The following BCO1 variants were observed in gnomAD, a reference collection of about 807,000 sequenced individuals.
BCO1 encodes beta-carotene oxygenase 1.
BCO1 carries 54 observed loss-of-function variants against 56.3 expected under a neutral mutation model. The ratio of observed to expected loss-of-function variants is 0.96; its 90% CI spans 0.77 to 1.20. BCO1 has a LOEUF of 1.20. Ranked by LOEUF, BCO1 falls within the 50% of genes most tolerant of loss-of-function variation. The pLI is 0.00. For missense variants in BCO1, 801 were observed against 690.9 expected (o/e 1.16, Z -1.79); for synonymous variants, 318 against 266.1 (o/e 1.20, Z -1.90).
chr16:81,280,787 T>C, intron 7 of BCO1, 70 bp from the exon 8 acceptor site: 1 of 1,130,478 alleles, frequency 8.8e-7, no homozygotes, highest in Non-Finnish European at 1.3e-6. Context: ...AAAAAATATA[T>C]ACACTAAAGC....
Position 81,290,545 on chromosome 16 carries a change from G to A in BCO1, c.1612G>A (p.Ala538Thr). 1 of 1,613,986 alleles carries A rather than the reference G, an allele frequency of 6.2e-7. No individual in the cohort carries two copies. Among genetic ancestry groups the A allele is most frequent in the Non-Finnish European group, 8.5e-7 (1 of 1,180,034 alleles). ...QAASEEQRDR[A>T]SDCHGAPLT The stretch of plus-strand genomic sequence containing the variant: ...CGCTTCTGAGGAACAGCGGGACAGG[G>A]CTTCCGACTGCCACGGGGCTCCTCT... The change falls in exon 11 of 11, where the codon GCT becomes ACT. Residue 538 changes from alanine (A) to threonine (T), a missense_variant. Physicochemically the swap from Ala to Thr is moderately conservative, Grantham distance 58. Coordinates refer to ENST00000258168, the MANE Select transcript of BCO1 (RefSeq NM_017429.3).
intron 2 of BCO1, among the ~76,000 whole-genome samples, chr16:81,252,415 C>G (rs983438971): frequency 7.9e-5 from 12 of 152,060 alleles, no homozygotes; most frequent in Non-Finnish European, 1.5e-4. Context: ...GGCACCATGC[C>G]CAGCTAATTT....
intron 4 of BCO1, 41 bp from the exon 5 acceptor site, chr16:81,264,599 T>G: frequency 1.2e-6 from 2 of 1,608,388 alleles, no homozygotes; most frequent in Non-Finnish European, 1.7e-6. Flanking sequence ...AGGTTGATTA[T>G]CGTAAATACT....
intron 6 of BCO1, among the ~76,000 whole-genome samples, chr16:81,269,639 T>C (rs1370421557): frequency 6.6e-6 from 1 of 152,158 alleles, no homozygotes; most frequent in East Asian, 1.9e-4. Context: ...GGCTAATTTT[T>C]TGTATTTTTA....
chr16:81,244,873 C>T (rs1905306268), intron 1 of BCO1, among the ~76,000 whole-genome samples: 1 of 151,972 alleles, frequency 6.6e-6, no homozygotes, highest in African/African-American at 2.4e-5. Flanking sequence ...GCATATGCCA[C>T]CACAATGAGC....
At chr16:81,283,436 A>G (rs1907992576) in intron 8 of BCO1, among the ~76,000 whole-genome samples, 1 of 152,098 alleles carries the variant, frequency 6.6e-6, no homozygotes, top group Admixed American at 6.5e-5. Context: ...TTTAAAAAAA[A>G]AAATACAAAA....
chr16:81,287,423 CCACGCCTAGTTGCTG>C lies in BCO1; in HGVS notation c.1414+22_1414+36del. On this transcript the variant is annotated intron_variant, in intron 10 of 10. Transcript: ENST00000258168. ...AGGATGACGGTAAGACTCTAAGAAG[CCACGCCTAGTTGCTG>C]CACGTTACTGCAGATCGCCCTCCAA... 6.3e-7 allele frequency: 1 copy of C among 1,596,312 alleles called. No individual in the cohort carries two copies. The highest frequency in any genetic ancestry group is 8.6e-7 in the Non-Finnish European group (1 of 1,164,426).
intron 7 of BCO1, among the ~76,000 whole-genome samples, chr16:81,277,302 T>TAA: frequency 6.6e-6 from 1 of 152,046 alleles, no homozygotes; most frequent in Non-Finnish European, 1.5e-5. Context: ...TGAAGTGCTT[T>TAA]GCTAATCTTC....
intron 2 of BCO1, among the ~76,000 whole-genome samples, chr16:81,247,886 A>G (rs916604408): frequency 6.7e-6 from 1 of 150,038 alleles, no homozygotes; most frequent in Non-Finnish European, 1.5e-5. Flanking sequence ...TAAAACCACT[A>G]TCTGTGGCTT....
chr16:81,252,246 TTTTTG>T (rs925357935), intron 2 of BCO1, among the ~76,000 whole-genome samples: 15 of 151,782 alleles, frequency 9.9e-5, no homozygotes, highest in East Asian at 5.8e-4. Flanking sequence ...TGGGTGTGTG[TTTTTG>T]TTTTGTTTTG....
intron 2 of BCO1, among the ~76,000 whole-genome samples, chr16:81,257,366 G>T (rs1366538721): frequency 6.6e-6 from 1 of 151,962 alleles, no homozygotes; most frequent in Non-Finnish European, 1.5e-5. Context: ...TTGGGTTCAG[G>T]CAATTCTGTC....
chr16:81,254,872 C>T (rs1906031377), intron 2 of BCO1, among the ~76,000 whole-genome samples: 1 of 152,210 alleles, frequency 6.6e-6, no homozygotes, highest in South Asian at 2.1e-4. Flanking sequence ...TCTTGGCTCA[C>T]TGTAGCCTTG....
intron 7 of BCO1, among the ~76,000 whole-genome samples, chr16:81,273,200 C>T (rs547528526): frequency 2.2e-4 from 33 of 152,268 alleles, no homozygotes. Flanking sequence ...CCAGGCTGGT[C>T]TTGAACTCCT....
At chr16:81,255,947 G>C (rs1426095365) in intron 2 of BCO1, among the ~76,000 whole-genome samples, 1 of 151,682 alleles carries the variant, frequency 6.6e-6, no homozygotes, top group East Asian at 1.9e-4. Context: ...CTCCCGAGTA[G>C]CTGGGACCAC....
chr16:81,272,152 G>C (rs373423429), intron 7 of BCO1, among the ~76,000 whole-genome samples: 186 of 129,208 alleles, frequency 1.4e-3, no homozygotes, highest in African/African-American at 5.3e-3. Flanking sequence ...CTCGCTCTGT[G>C]GCCCAGGCTG....
intron 2 of BCO1, among the ~76,000 whole-genome samples, chr16:81,245,967 A>T (rs1905389558): frequency 6.9e-6 from 1 of 144,288 alleles, no homozygotes. Flanking sequence ...GGTTCCAGTG[A>T]TTCTCCTGCC....
intron 2 of BCO1, among the ~76,000 whole-genome samples, chr16:81,258,342 G>A (rs527315903): frequency 6.6e-6 from 1 of 152,316 alleles, no homozygotes; most frequent in East Asian, 1.9e-4. Context: ...TATGCCATGA[G>A]TTAGACTCTC....
At chr16:81,287,043 C>T (rs1208314028) in intron 9 of BCO1, among the ~76,000 whole-genome samples, 2 of 151,730 alleles carry the variant, frequency 1.3e-5, no homozygotes, top group Non-Finnish European at 2.9e-5. Flanking sequence ...CCATTGCACT[C>T]CAGCCTGGGC....
chr16:81,245,218 G>A (rs987089777), intron 1 of BCO1, among the ~76,000 whole-genome samples: 1 of 152,122 alleles, frequency 6.6e-6, no homozygotes, highest in African/African-American at 2.4e-5. Flanking sequence ...GTGGATCTTG[G>A]GTGTCTGTTT....
Sources: allele counts gnomAD v4.1 joint callset (sites outside exome capture counted in the v4.1 genomes callset), GRCh38; gene constraint gnomAD v4.1.1; transcripts MANE v1.5; gene names NCBI Gene and HGNC (gene_info 2026-07-23, HGNC 2026-07-21).